NECAB3: variants seen among roughly 807,000 people sequenced by gnomAD.
The protein encoded by NECAB3 is N-terminal EF-hand calcium binding protein 3.
In NECAB3, 38 loss-of-function variants were observed where a neutral mutation model predicts 57.2. The observed-to-expected ratio is 0.66, with a 90% confidence interval of 0.51 to 0.87. The LOEUF (loss-of-function observed/expected upper bound fraction) is 0.87, where lower values mean the gene tolerates loss of function less well. Ranked by LOEUF, NECAB3 falls within the 40% of genes least tolerant of loss-of-function variation. NECAB3 has a pLI of 0.00. For missense variants in NECAB3, 474 were observed against 527.5 expected (o/e 0.90, Z 0.99); for synonymous variants, 223 against 222.6 (o/e 1.00, Z -0.02).
Position 33,659,487 on chromosome 20 carries a change from C to T in NECAB3, c.879+10G>A. 6.8e-7 allele frequency: 1 copy of T among 1,462,222 alleles called. No homozygotes were observed. The highest frequency in any genetic ancestry group is 1.4e-5 in the South Asian group (1 of 71,116). The allele number at this position is 1,462,222 out of a possible 1,614,324, so 90.6% of individuals were successfully genotyped here. On this transcript the variant is annotated intron_variant, in intron 8 of 11. Transcript: ENST00000246190. The stretch of plus-strand genomic sequence containing the variant: ...GGCCATCCAGCCGCTTGCCCCTCTC[C>T]TGGGCTCACCAAGTCAGGCCCCTTG...
At position 33,657,783 on chromosome 20, in the gene NECAB3, G is replaced by C. The variant is rs917923336; in HGVS notation, c.*46C>G. On this transcript the variant is annotated 3_prime_UTR_variant, in exon 12 of 12. Coordinates refer to ENST00000246190, the MANE Select transcript of NECAB3 (RefSeq NM_031232.4). ...GCTGGCCAGTCCAGAAGGCTCCAGA[G>C]GGAGGCAGGCAGGGTCCCGGGGCCC... is the stretch of plus-strand genomic sequence containing the variant. The C allele has an allele frequency of 2.5e-5, 38 of 1,494,668 alleles. No homozygotes were observed. The highest frequency in any genetic ancestry group is 2.9e-5 in the Non-Finnish European group (32 of 1,117,696). The allele number at this position is 1,494,668 out of a possible 1,614,324, so 92.6% of individuals were successfully genotyped here.
At chr20:33,670,220 G>A (rs968067956) in intron 3 of NECAB3, 59 of 177,738 alleles carry the variant, frequency 3.3e-4, no homozygotes, top group Admixed American at 2.7e-3. Flanking sequence ...TGACCCTCAG[G>A]AAAGGGGAGA....
intron 5 of NECAB3, chr20:33,668,252 G>T: frequency 6.4e-7 from 1 of 1,562,132 alleles, no homozygotes; most frequent in South Asian, 1.2e-5. Flanking sequence ...CTGGACTGGG[G>T]GGGGTGGCAC....
At position 33,657,614 on chromosome 20, in the gene NECAB3, G is replaced by A. The variant is rs1413942587; in HGVS notation, c.*215C>T. ...CAGGCAGAAGCCAAAGTAGCTTGGA[G>A]GCTGAAGTGACAAACAATAAAATAC... On this transcript the variant is annotated 3_prime_UTR_variant, in exon 12 of 12. Coordinates refer to ENST00000246190, the MANE Select transcript of NECAB3 (RefSeq NM_031232.4). The A allele has an allele frequency of 2.0e-6, 1 of 500,936 alleles. No homozygotes were observed. Among genetic ancestry groups the A allele is most frequent in the African/African-American group, 2.0e-5 (1 of 50,002 alleles). The allele number at this position is 500,936 out of a possible 1,614,324, so 31.0% of individuals were successfully genotyped here.
chr20:33,671,838 C>T (rs1471281544), intron 2 of NECAB3, among the ~76,000 whole-genome samples: 1 of 152,210 alleles, frequency 6.6e-6, no homozygotes, highest in Non-Finnish European at 1.5e-5. Flanking sequence ...TAGTTGTGTC[C>T]TCCAAGACCT....
upstream of NECAB3, among the ~76,000 whole-genome samples, chr20:33,675,074 C>A (rs937145662): frequency 6.6e-6 from 1 of 151,840 alleles, no homozygotes; most frequent in African/African-American, 2.4e-5. Flanking sequence ...ACCTCAGGAC[C>A]GCAGCCACAC....
At chr20:33,670,239 AGAG>A (rs2122517485) in intron 3 of NECAB3, 1 of 179,148 alleles carries the variant, frequency 5.6e-6, no homozygotes, top group Admixed American at 5.6e-5. Context: ...GAAGGGAAGT[AGAG>A]GGAGTAACAG....
rs41290878 is a variant in NECAB3 at position 33,659,739 on chromosome 20, G to C, written c.644-7C>G. On this transcript the variant is annotated splice_polypyrimidine_tract_variant and splice_region_variant and intron_variant, in intron 7 of 11. Coordinates refer to ENST00000246190, the MANE Select transcript of NECAB3 (RefSeq NM_031232.4). ...TCGGCCTCTGAGCTGCGCCCTGTGT[G>C]TGGGGCCCGTGCAGGGTCAGGCAGG... 1 of 1,583,066 alleles carries C rather than the reference G, an allele frequency of 6.3e-7. No individual in the cohort carries two copies. The highest frequency in any genetic ancestry group is 1.7e-5 in the Admixed American group (1 of 57,684).
chr20:33,661,379 C>T (rs1323611022), intron 5 of NECAB3, among the ~76,000 whole-genome samples: 1 of 152,176 alleles, frequency 6.6e-6, no homozygotes, highest in Non-Finnish European at 1.5e-5. Flanking sequence ...CTCCAGAAGC[C>T]CCATCCATCA....
In NECAB3 at chr20:33,658,506, C is replaced by T. The variant is rs777512760; in HGVS notation, c.1041G>A (p.Glu347=). Residue 347 remains glutamate (E), a synonymous_variant, in exon 10 of 12, where the codon GAG becomes GAA. Transcript: ENST00000246190. ...MLDGASFTLY[E]FWQDEASWRR... ...TCCAGGAGGCCTCATCCTGCCAGAA[C>T]TCATACAGGGTGAAGGAGGCACCGT... 2.5e-6 allele frequency: 4 copies of T among 1,614,042 alleles called. No individual in the cohort carries two copies. The South Asian group carries it at 4.4e-5, about 18-fold the overall frequency.
At position 33,674,191 on chromosome 20, in the gene NECAB3, G is replaced by GA. The variant is rs927421892; in HGVS notation, c.129+32dup. On this transcript the variant is annotated intron_variant, in intron 1 of 11. Coordinates refer to ENST00000246190, the MANE Select transcript of NECAB3 (RefSeq NM_031232.4). ...TGAGACTAACAGAGACTCGGGTAGGGAGACACCGCGAGCAGAGCCCGCGCC... is the reference window on the plus strand; with the variant it reads ...TGAGACTAACAGAGACTCGGGTAGGGAAGACACCGCGAGCAGAGCCCGCGCC... 2.4e-6 allele frequency: 3 copies of GA among 1,254,312 alleles called. No homozygotes were observed. The African/African-American group carries it at 4.6e-5, about 19-fold the overall frequency. 77.7% of individuals were successfully genotyped at this position (1,254,312 alleles called of 1,614,324 possible). A position where few individuals can be genotyped will look rare whatever the true frequency, so the allele number is the denominator to read the frequency against.
At chr20:33,666,984 G>T (rs1239618995) in intron 5 of NECAB3, 2 of 154,598 alleles carry the variant, frequency 1.3e-5, no homozygotes, top group African/African-American at 4.8e-5. Flanking sequence ...GGCTGAAGGG[G>T]ACTACTCCCT....
upstream of NECAB3, among the ~76,000 whole-genome samples, chr20:33,674,989 T>C (rs953109703): frequency 7.9e-5 from 12 of 151,856 alleles, no homozygotes; most frequent in African/African-American, 2.4e-4. Flanking sequence ...GTCACTTCGG[T>C]CTCCAGTGAC....
At chr20:33,668,344 T>G in intron 5 of NECAB3, 1 of 1,469,560 alleles carries the variant, frequency 6.8e-7, no homozygotes, top group Non-Finnish European at 9.1e-7. Context: ...GCTGACTGGA[T>G]GGGTCACCCC....
chr20:33,657,387 G>A lies in NECAB3; in HGVS notation c.*442C>T, dbSNP rs751399148. On this transcript the variant is annotated 3_prime_UTR_variant, in exon 12 of 12. Transcript: ENST00000246190. ...CCCAGCCTCGGAGGCAAGGTTTGAG[G>A]GTTGGGGGGTCCCTGAGCATCAGCC... The A allele has an allele frequency of 2.8e-5, 5 of 178,768 alleles. No individual in the cohort carries two copies. Among genetic ancestry groups the A allele is most frequent in the Admixed American group, 6.1e-5 (1 of 16,278 alleles). The allele number at this position is 178,768 out of a possible 1,614,324, so 11.1% of individuals were successfully genotyped here.
chr20:33,658,393 A>G (rs1034270210), intron 10 of NECAB3, 84 bp downstream of exon 10: 179 of 1,383,520 alleles, frequency 1.3e-4, no homozygotes, highest in Non-Finnish European at 1.5e-4. Context: ...AGAGCCAGTG[A>G]GCGGGAGAGC....
At chr20:33,668,201 G>C (rs536898716) in intron 5 of NECAB3, 1 of 1,606,844 alleles carries the variant, frequency 6.2e-7, no homozygotes, top group African/African-American at 1.3e-5. Flanking sequence ...TACCAGGAGT[G>C]TGGCTCCAGG....
chr20:33,674,479 C>T (rs1444190790), upstream of NECAB3: 1 of 851,414 alleles, frequency 1.2e-6, no homozygotes, highest in Non-Finnish European at 1.4e-6. Context: ...CCGCCCCCGC[C>T]CCGCCCCCGC....
chr20:33,662,021 G>C (rs1001928592), intron 5 of NECAB3: 1 of 229,888 alleles, frequency 4.3e-6, no homozygotes, highest in Non-Finnish European at 8.7e-6. Context: ...AACAGGTCCA[G>C]AGAGGTTGAT....
Sources: allele counts gnomAD v4.1 joint callset (sites outside exome capture counted in the v4.1 genomes callset), GRCh38; gene constraint gnomAD v4.1.1; transcripts MANE v1.5; gene names NCBI Gene and HGNC (gene_info 2026-07-23, HGNC 2026-07-21).